SARS2: variants seen among roughly 807,000 people sequenced by gnomAD.
The protein encoded by SARS2 is serine--tRNA ligase, mitochondrial.
In SARS2, 52 loss-of-function variants were observed where a neutral mutation model predicts 66.8. That is an observed-to-expected ratio of 0.78 (90% confidence interval 0.62 to 0.98). The LOEUF (loss-of-function observed/expected upper bound fraction) is 0.98. Among genes scored for constraint, SARS2 ranks in the 50% least tolerant of loss-of-function variants. SARS2 has a pLI of 0.00. For missense variants in SARS2, 673 were observed against 706.3 expected, an observed-to-expected ratio of 0.95 and a Z score of 0.53; for synonymous variants, 306 against 281.4, an observed-to-expected ratio of 1.09 and a Z score of -0.87.
At chr19:38,930,335 C>T in intron 1 of SARS2, 135 bp downstream of exon 1, 2 of 1,179,890 alleles carry the variant, frequency 1.7e-6, no homozygotes, top group African/African-American at 1.5e-5. Flanking sequence ...GGGTGCCATG[C>T]ACAAGACGTT....
chr19:38,921,856 C>T, intron 3 of SARS2, 189 bp from the exon 4 acceptor site: 1 of 1,324,148 alleles, frequency 7.6e-7, no homozygotes, highest in East Asian at 2.5e-5. Context: ...AAGAATCAGG[C>T]CTGGCCAACT....
intron 2 of SARS2, among the ~76,000 whole-genome samples, chr19:38,924,372 C>T (rs1485238133): frequency 6.6e-6 from 1 of 152,174 alleles, no homozygotes; most frequent in Non-Finnish European, 1.5e-5. Context: ...TCAGTATCCC[C>T]ATCTGTGAAG....
intron 1 of SARS2, chr19:38,930,222 A>G: frequency 1.8e-6 from 1 of 542,876 alleles, no homozygotes; most frequent in South Asian, 2.5e-5. Flanking sequence ...GGAGGTACCC[A>G]GCGAGCAGTA....
chr19:38,922,346 A>C, intron 2 of SARS2, 79 bp from the exon 3 acceptor site: 1 of 1,374,158 alleles, frequency 7.3e-7, no homozygotes, highest in Non-Finnish European at 1.0e-6. Context: ...GAAAGGTCAA[A>C]CAAGGCCAGA....
chr19:38,923,219 CTTT>C (rs1165441029), intron 2 of SARS2, among the ~76,000 whole-genome samples: 2 of 75,760 alleles, frequency 2.6e-5, no homozygotes, highest in Non-Finnish European at 4.7e-5. Context: ...CTCAGGTTTT[CTTT>C]TTTTTTTTTT....
At chr19:38,918,692 GT>G in intron 8 of SARS2, 73 bp downstream of exon 8, 1 of 1,525,548 alleles carries the variant, frequency 6.6e-7, no homozygotes, top group East Asian at 2.4e-5. Context: ...GTCTCCTCAG[GT>G]TTCCCTGCCT....
intron 2 of SARS2, 83 bp downstream of exon 2, chr19:38,926,122 G>C (rs906676490): frequency 8.3e-7 from 1 of 1,198,138 alleles, no homozygotes; most frequent in African/African-American, 1.5e-5. Flanking sequence ...GCCTGTTCAA[G>C]TTCTTTAAAT....
chr19:38,917,344 G>A (rs557107826), intron 12 of SARS2, among the ~76,000 whole-genome samples: 1 of 152,362 alleles, frequency 6.6e-6, no homozygotes, highest in East Asian at 1.9e-4. Flanking sequence ...GTGACTGACA[G>A]GGTGAGAGGA....
intron 2 of SARS2, among the ~76,000 whole-genome samples, chr19:38,923,371 G>A (rs1172489498): frequency 4.0e-5 from 6 of 148,692 alleles, no homozygotes; most frequent in African/African-American, 1.2e-4. Context: ...ACAGGCGCCC[G>A]CCACTACGCC....
chr19:38,920,962 CAGAT>C lies in SARS2; in HGVS notation c.589+426_589+429del, dbSNP rs892736849. ...AGACACACACACACAGACACAGACA[CAGAT>C]ACAGACACACACAAACACAGACACA... On this transcript the variant is annotated intron_variant, in intron 5 of 15. Transcript: ENST00000221431. 2.7e-4 allele frequency among the ~76,000 whole-genome samples: 26 copies of C among 96,506 alleles called. No homozygotes were observed. The East Asian group carries it at 4.8e-3, about 18-fold the overall frequency. The allele number at this position is 96,506 out of a possible 152,430, so 63.3% of individuals were successfully genotyped here. A position where few individuals can be genotyped will look rare whatever the true frequency, so the allele number is the denominator to read the frequency against.
intron 9 of SARS2, 78 bp downstream of exon 9, chr19:38,918,344 C>T: frequency 7.3e-7 from 1 of 1,375,236 alleles, no homozygotes; most frequent in East Asian, 2.3e-5. Context: ...AGGTGATCCC[C>T]CCCAGTGCTC....
chr19:38,922,078 C>G (rs1380796935), intron 3 of SARS2, 160 bp downstream of exon 3: 2 of 1,587,728 alleles, frequency 1.3e-6, no homozygotes, highest in Non-Finnish European at 8.6e-7. Flanking sequence ...TCCAGCCGCA[C>G]CTGAAGCCAG....
At chr19:38,920,316 A>C (rs1263651912) in intron 5 of SARS2, among the ~76,000 whole-genome samples, 167 bp from the exon 6 acceptor site, 1 of 151,722 alleles carries the variant, frequency 6.6e-6, no homozygotes, top group Non-Finnish European at 1.5e-5. Flanking sequence ...AAGGGAAGAA[A>C]AGACAGACAG....
In SARS2 at chr19:38,920,081, C is replaced by G; in HGVS notation, c.653+5G>C. 6.4e-7 allele frequency: 1 copy of G among 1,558,912 alleles called. No individual in the cohort carries two copies. The highest frequency in any genetic ancestry group is 8.7e-7 in the Non-Finnish European group (1 of 1,150,840). ...GGGGCGTGGGGAGCCAGGGGAGGGG[C>G]TCACTTCTGACGGATGATGTCGAGT... On this transcript the variant is annotated splice_donor_5th_base_variant and intron_variant, in intron 6 of 15. Transcript: ENST00000221431.
At chr19:38,927,363 G>C (rs1423156150) in intron 1 of SARS2, among the ~76,000 whole-genome samples, 1 of 151,792 alleles carries the variant, frequency 6.6e-6, no homozygotes, top group Non-Finnish European at 1.5e-5. Context: ...GAGCCCAGGA[G>C]TTCGAGACCA....
rs1480864536 is a variant in SARS2, at chr19:38,920,177, A to C, written c.590-28T>G. ...GGATGTGGGTGAAAAGCACCGGTGT[A>C]AGGCAGCGGGGAGAGAGGGATGGGG... is the stretch of plus-strand genomic sequence containing the variant. On this transcript the variant is annotated intron_variant, in intron 5 of 15. Coordinates refer to ENST00000221431, the MANE Select transcript of SARS2 (RefSeq NM_017827.4). 34 of 1,544,730 alleles carry C rather than the reference A, an allele frequency of 2.2e-5. No homozygotes were observed. The Admixed American group carries it at 6.3e-4, about 28-fold the overall frequency.
chr19:38,923,220 T>TTTC (rs1491316805), intron 2 of SARS2, among the ~76,000 whole-genome samples: 606 of 38,034 alleles, frequency 0.016, 7 homozygotes, highest in African/African-American at 0.075. Context: ...TCAGGTTTTC[T>TTTC]TTTTTTTTTT....
chr19:38,918,818 T>G lies in SARS2; in HGVS notation c.760-5A>C. 6.4e-7 allele frequency: 1 copy of G among 1,559,200 alleles called. No homozygotes were observed. The highest frequency in any genetic ancestry group is 8.7e-7 in the Non-Finnish European group (1 of 1,150,636). The stretch of plus-strand genomic sequence containing the variant: ...CACCGTCATGGGGGTGAAGCCCTGT[T>G]CAGGGGAGAGGATGAGTGAGCAGAG... On this transcript the variant is annotated splice_polypyrimidine_tract_variant and splice_region_variant and intron_variant, in intron 7 of 15. Coordinates refer to ENST00000221431, the MANE Select transcript of SARS2 (RefSeq NM_017827.4).
chr19:38,926,289 C>A lies in SARS2; in HGVS notation c.279G>T (p.Trp93Cys). ...SADLPAIIST[W>C]QELRQLQEQI... Reference sequence around the variant, plus strand: ...GCTCCTGCAGCTGCCTCAGCTCCTGCCATGTCGAGATCTGGGGTGGATATA... The same window carrying A: ...GCTCCTGCAGCTGCCTCAGCTCCTGACATGTCGAGATCTGGGGTGGATATA... Residue 93 changes from tryptophan to cysteine, a missense_variant, in exon 2 of 16, where the codon TGG (tryptophan) becomes TGT (cysteine). Trp to Cys is a radical substitution (Grantham distance 215). Coordinates refer to ENST00000221431, the MANE Select transcript of SARS2 (RefSeq NM_017827.4). The A allele has an allele frequency of 6.2e-7, 1 of 1,604,280 alleles. No individual in the cohort carries two copies. The highest frequency in any genetic ancestry group is 2.2e-5 in the East Asian group (1 of 44,878).
Sources: gnomAD v4.1 joint callset for allele counts (sites outside exome capture counted in the v4.1 genomes callset) on GRCh38, gnomAD v4.1.1 for gene constraint, MANE v1.5 for transcripts, NCBI Gene and HGNC (gene_info 2026-07-23, HGNC 2026-07-21) for gene names.